STXBP5L: variants seen among roughly 807,000 people sequenced by gnomAD.
STXBP5L encodes the protein syntaxin-binding protein 5-like.
Under a neutral mutation model 144.5 loss-of-function variants are expected in STXBP5L, and 65 were observed. The observed-to-expected ratio is 0.45, with a 90% CI of 0.37 to 0.55. The LOEUF is 0.55. Among genes scored for constraint, STXBP5L ranks in the 20% least tolerant of loss-of-function variants. The probability of loss-of-function intolerance (pLI) is 0.00; values close to 1 mark genes in which losing one functional copy is unlikely to be tolerated. For missense variants in STXBP5L, 1,298 were observed against 1,405.5 expected (o/e 0.92, Z 1.22); for synonymous variants, 505 against 469.6 (o/e 1.08, Z -0.97).
At chr3:121,348,475 A>T (rs1012943742) in intron 20 of STXBP5L, among the ~76,000 whole-genome samples, 2 of 152,152 alleles carry the variant, frequency 1.3e-5, no homozygotes, top group Non-Finnish European at 2.9e-5. Context: ...GCCTCATAAA[A>T]TGAGTTAGGG....
intron 5 of STXBP5L, among the ~76,000 whole-genome samples, chr3:121,052,884 C>A (rs1018387936): frequency 6.6e-6 from 1 of 152,162 alleles, no homozygotes; most frequent in African/African-American, 2.4e-5. Context: ...AGCTGATAAG[C>A]AACTTCAGCA....
chr3:121,242,434 T>G (rs1407733499), intron 14 of STXBP5L, among the ~76,000 whole-genome samples: 2 of 152,110 alleles, frequency 1.3e-5, no homozygotes, highest in East Asian at 3.9e-4. Context: ...TATCTTGAAC[T>G]GGTAATAAGA....
chr3:121,334,615 A>G (rs1378034296), intron 20 of STXBP5L, among the ~76,000 whole-genome samples: 1 of 152,198 alleles, frequency 6.6e-6, no homozygotes, highest in Non-Finnish European at 1.5e-5. Context: ...AATCAAATCC[A>G]GCAACACATC....
intron 3 of STXBP5L, among the ~76,000 whole-genome samples, chr3:120,975,013 C>G (rs1294192138): frequency 6.6e-6 from 1 of 152,130 alleles, no homozygotes; most frequent in Non-Finnish European, 1.5e-5. Context: ...TTAGGATTGA[C>G]TTGGCGATGC....
intron 10 of STXBP5L, among the ~76,000 whole-genome samples, chr3:121,213,525 C>A (rs1264595570): frequency 6.6e-6 from 1 of 152,176 alleles, no homozygotes; most frequent in African/African-American, 2.4e-5. Context: ...TATTGATTTG[C>A]ATACATTGAA....
chr3:120,910,115 C>T (rs1358506960), intron 2 of STXBP5L, among the ~76,000 whole-genome samples: 1 of 152,158 alleles, frequency 6.6e-6, no homozygotes, highest in Non-Finnish European at 1.5e-5. Flanking sequence ...TGTTATTTCA[C>T]TGTTCAGTAT....
chr3:121,418,550 C>A lies in STXBP5L; in HGVS notation c.3440C>A (p.Ala1147Glu), dbSNP rs1289356788. 5 of 1,613,752 alleles carry A rather than the reference C, an allele frequency of 3.1e-6. No individual in the cohort carries two copies. The highest frequency in any genetic ancestry group is 4.2e-6 in the Non-Finnish European group (5 of 1,179,844). ...AGTGCAGAAGCATTTTCCAAACATG[C>A]ACATGAGGTAAACTGCCTAAGTAAA... ...MTSAEAFSKHAHELMLKYKDK... is the reference protein window; with the variant it reads ...MTSAEAFSKHEHELMLKYKDK... The change falls in exon 26 of 27, where the codon GCA becomes GAA. Residue 1147 changes from alanine to glutamate, a missense_variant. Transcript: ENST00000471454.
chr3:121,270,733 G>A (rs577159880), intron 18 of STXBP5L, among the ~76,000 whole-genome samples: 3 of 152,254 alleles, frequency 2.0e-5, no homozygotes, highest in East Asian at 1.9e-4. Flanking sequence ...GATTACAGGC[G>A]TGAGCCACTG....
At chr3:121,412,789 C>G (rs1290469263) in intron 23 of STXBP5L, among the ~76,000 whole-genome samples, 2 of 144,550 alleles carry the variant, frequency 1.4e-5, no homozygotes, top group Admixed American at 6.8e-5. Flanking sequence ...TTTATTACCA[C>G]TGAGCCTTGA....
intron 3 of STXBP5L, among the ~76,000 whole-genome samples, chr3:121,030,418 C>G (rs1423061737): frequency 6.6e-6 from 1 of 152,064 alleles, no homozygotes; most frequent in African/African-American, 2.4e-5. Flanking sequence ...TCTCAGCAAA[C>G]TAACACAGGA....
chr3:121,078,266 G>A (rs960335327), intron 5 of STXBP5L, among the ~76,000 whole-genome samples: 10 of 147,962 alleles, frequency 6.8e-5, no homozygotes, highest in African/African-American at 2.5e-4. Flanking sequence ...AGACATAAAG[G>A]TTCTCCAAGT....
chr3:120,972,031 GC>G (rs1215640277), intron 3 of STXBP5L, among the ~76,000 whole-genome samples: 3 of 151,756 alleles, frequency 2.0e-5, no homozygotes, highest in Non-Finnish European at 4.4e-5. Context: ...TATTCTTTTT[GC>G]TTAGAATTTC....
intron 5 of STXBP5L, among the ~76,000 whole-genome samples, chr3:121,074,604 G>A (rs2041945148): frequency 6.6e-6 from 1 of 152,090 alleles, no homozygotes; most frequent in South Asian, 2.1e-4. Context: ...CAGACCCCTG[G>A]CAGCTTGAGA....
At chr3:121,319,573 C>G (rs749236560) in intron 20 of STXBP5L, among the ~76,000 whole-genome samples, 3 of 152,002 alleles carry the variant, frequency 2.0e-5, no homozygotes, top group Non-Finnish European at 4.4e-5. Flanking sequence ...TATGTTTACC[C>G]TGCCTTTTGC....
intron 5 of STXBP5L, among the ~76,000 whole-genome samples, chr3:121,051,322 C>A (rs932097693): frequency 4.6e-5 from 7 of 152,102 alleles, no homozygotes; most frequent in Non-Finnish European, 1.0e-4. Context: ...CCAAAATTGA[C>A]CACATAGTTG....
intron 2 of STXBP5L, among the ~76,000 whole-genome samples, chr3:120,917,239 G>A (rs562002162): frequency 6.6e-6 from 1 of 152,238 alleles, no homozygotes; most frequent in South Asian, 2.1e-4. Context: ...AGTGAATTAG[G>A]CCAAGAGGAA....
chr3:121,340,576 G>A (rs1282626376), intron 20 of STXBP5L, among the ~76,000 whole-genome samples: 2 of 149,598 alleles, frequency 1.3e-5, no homozygotes, highest in African/African-American at 2.5e-5. Context: ...GTGAGAACAT[G>A]TGGTGTTTGG....
intron 19 of STXBP5L, among the ~76,000 whole-genome samples, chr3:121,290,424 A>G (rs1277234458): frequency 6.6e-6 from 1 of 152,000 alleles, no homozygotes; most frequent in Non-Finnish European, 1.5e-5. Context: ...AATTGCCAAC[A>G]ACAAAAAAAG....
chr3:121,397,046 A>G (rs879755879), intron 22 of STXBP5L, among the ~76,000 whole-genome samples: 6 of 152,244 alleles, frequency 3.9e-5, no homozygotes, highest in Non-Finnish European at 7.3e-5. Context: ...GCTGAAGTAT[A>G]GGGTGTCTGG....
Sources: gnomAD v4.1 joint callset for allele counts (sites outside exome capture counted in the v4.1 genomes callset) on GRCh38, gnomAD v4.1.1 for gene constraint, MANE v1.5 for transcripts, NCBI Gene and HGNC (gene_info 2026-07-23, HGNC 2026-07-21) for gene names.